The following ST8SIA2 variants were observed in gnomAD, a reference collection of about 807,000 sequenced individuals.
ST8SIA2 encodes ST8 alpha-N-acetyl-neuraminide alpha-2,8-sialyltransferase 2.
ST8SIA2 carries 22 observed loss-of-function variants against 37.6 expected under a neutral mutation model. The ratio of observed to expected loss-of-function variants is 0.58; its 90% confidence interval spans 0.42 to 0.83. The LOEUF (loss-of-function observed/expected upper bound fraction) is 0.83, where lower values mean the gene tolerates loss of function less well. ST8SIA2 is among the 40% of genes least tolerant of loss of function. The probability of loss-of-function intolerance (pLI) is 0.00; values close to 1 mark genes in which losing one functional copy is unlikely to be tolerated. For synonymous variants in ST8SIA2, 205 were observed against 201.2 expected (o/e 1.02, Z -0.16); for missense variants, 382 against 484.7 (o/e 0.79, Z 1.99).
At position 92,467,165 on chromosome 15, in the gene ST8SIA2, G is replaced by C. The variant is rs1567228664; in HGVS notation, c.*2780G>C. 1 of 151,116 alleles carries C rather than the reference G, an allele frequency of 6.6e-6. No individual in the cohort carries two copies. The highest frequency in any genetic ancestry group is 2.0e-4 in the East Asian group (1 of 5,062). The allele number at this position is 151,116 out of a possible 1,614,324, so 9.4% of individuals were successfully genotyped here. On this transcript the variant is annotated 3_prime_UTR_variant, in exon 6 of 6. Transcript: ENST00000268164. ...CAGGCCCCTGTCATTCCACTTCATGGAAGAGACGGAGCCTTCTGAAATGAG... is the reference window on the plus strand; with the variant it reads ...CAGGCCCCTGTCATTCCACTTCATGCAAGAGACGGAGCCTTCTGAAATGAG...
At chr15:92,417,703 G>A (rs936048503) in intron 1 of ST8SIA2, 4 of 152,220 alleles carry the variant, frequency 2.6e-5, no homozygotes, top group African/African-American at 9.6e-5. Flanking sequence ...AAGGAAAAAT[G>A]ACATCTGAGG....
At chr15:92,396,452 T>TTTTG (rs889802775) in intron 1 of ST8SIA2, among the ~76,000 whole-genome samples, 32 of 151,440 alleles carry the variant, frequency 2.1e-4, no homozygotes, top group African/African-American at 7.8e-4. Context: ...AGGGGTTTCT[T>TTTTG]TTTGTTTGTT....
chr15:92,420,208 C>T (rs569210899), intron 1 of ST8SIA2, among the ~76,000 whole-genome samples: 4 of 152,252 alleles, frequency 2.6e-5, no homozygotes, highest in Non-Finnish European at 5.9e-5. Flanking sequence ...AAGATGGGTG[C>T]AGATCAGAGG....
At chr15:92,438,681 C>T in intron 4 of ST8SIA2, 71 bp downstream of exon 4, 1 of 1,491,110 alleles carries the variant, frequency 6.7e-7, no homozygotes, top group Non-Finnish European at 8.9e-7. Flanking sequence ...GCATTGCCAG[C>T]TGTCCCAAGA....
chr15:92,435,697 G>A (rs1244906007), intron 3 of ST8SIA2, among the ~76,000 whole-genome samples: 1 of 152,106 alleles, frequency 6.6e-6, no homozygotes, highest in Non-Finnish European at 1.5e-5. Flanking sequence ...GAAACCATCT[G>A]AAGTAGCTGA....
chr15:92,444,144 C>G (rs147307395), intron 4 of ST8SIA2, among the ~76,000 whole-genome samples: 4 of 152,262 alleles, frequency 2.6e-5, no homozygotes, highest in African/African-American at 9.6e-5. Context: ...GGGAGGGATG[C>G]TGTTGTGATC....
At chr15:92,442,806 G>A (rs1362466916) in intron 4 of ST8SIA2, among the ~76,000 whole-genome samples, 1 of 152,184 alleles carries the variant, frequency 6.6e-6, no homozygotes, top group East Asian at 1.9e-4. Flanking sequence ...GCAGGGATGG[G>A]AAGACGCGAT....
intron 5 of ST8SIA2, among the ~76,000 whole-genome samples, chr15:92,451,155 C>T (rs1191336372): frequency 2.0e-5 from 3 of 152,126 alleles, no homozygotes; most frequent in Non-Finnish European, 4.4e-5. Context: ...ATGAGGCCAC[C>T]CAGCATCTAA....
intron 1 of ST8SIA2, among the ~76,000 whole-genome samples, chr15:92,398,001 C>T (rs756972993): frequency 9.9e-5 from 15 of 152,156 alleles, no homozygotes; most frequent in East Asian, 3.9e-4. Context: ...GGCATGGTGG[C>T]GGGTGCCTGT....
At chr15:92,417,970 G>A (rs1368659975) in intron 1 of ST8SIA2, among the ~76,000 whole-genome samples, 4 of 152,024 alleles carry the variant, frequency 2.6e-5, no homozygotes, top group East Asian at 3.9e-4. Flanking sequence ...GGGCCTCCTC[G>A]ACATATATTT....
Position 92,467,798 on chromosome 15 carries a change from AC to A in ST8SIA2, c.*3416del, listed in dbSNP as rs2050003246. 6.5e-6 allele frequency: 1 copy of A among 152,728 alleles called. No homozygotes were observed. The highest frequency in any genetic ancestry group is 6.6e-5 in the Admixed American group (1 of 15,258). The allele number at this position is 152,728 out of a possible 1,614,324, so 9.5% of individuals were successfully genotyped here. A position where few individuals can be genotyped will look rare whatever the true frequency, so the allele number is the denominator to read the frequency against. Reference sequence around the variant, plus strand: ...TCAGCAACCTCACACCTGCCTTCAGACCCGGCTGCAACTTCCTAAGCTGCCC... The same window carrying A: ...TCAGCAACCTCACACCTGCCTTCAGACCGGCTGCAACTTCCTAAGCTGCCC... On this transcript the variant is annotated 3_prime_UTR_variant, in exon 6 of 6. Transcript: ENST00000268164.
chr15:92,440,554 T>A (rs1206482312), intron 4 of ST8SIA2, among the ~76,000 whole-genome samples: 1 of 152,204 alleles, frequency 6.6e-6, no homozygotes, highest in East Asian at 1.9e-4. Context: ...AAAGTGCAGT[T>A]GTTCTTTGTC....
At chr15:92,401,640 G>A (rs756663296) in intron 1 of ST8SIA2, among the ~76,000 whole-genome samples, 7 of 152,092 alleles carry the variant, frequency 4.6e-5, no homozygotes, top group African/African-American at 9.7e-5. Flanking sequence ...ATCCAGCCTC[G>A]CTGTGTGGGT....
At chr15:92,455,366 AT>A (rs957636434) in intron 5 of ST8SIA2, among the ~76,000 whole-genome samples, 19 of 150,144 alleles carry the variant, frequency 1.3e-4, no homozygotes, top group African/African-American at 3.4e-4. Flanking sequence ...TCTCTCTCCA[AT>A]TTTTTTTTTA....
intron 1 of ST8SIA2, among the ~76,000 whole-genome samples, chr15:92,409,898 T>C (rs1184574498): frequency 1.3e-5 from 2 of 152,204 alleles, no homozygotes; most frequent in African/African-American, 2.4e-5. Flanking sequence ...CTGTGCTGAG[T>C]GCTGGCGACT....
intron 1 of ST8SIA2, among the ~76,000 whole-genome samples, chr15:92,424,221 T>G (rs1434086898): frequency 1.3e-5 from 2 of 152,356 alleles, no homozygotes; most frequent in East Asian, 3.9e-4. Context: ...ATTCTGAGCC[T>G]GACTCTCCCA....
chr15:92,456,789 G>C (rs112578242), intron 5 of ST8SIA2, among the ~76,000 whole-genome samples: 76 of 152,364 alleles, frequency 5.0e-4, no homozygotes, highest in African/African-American at 1.8e-3. Context: ...CAGGTTTTAT[G>C]CTGTGGACTC....
Position 92,430,101 on chromosome 15 carries a change from A to G in ST8SIA2, c.151A>G (p.Lys51Glu). The change falls in exon 2 of 6, where the codon AAA (lysine) becomes GAA (glutamate). Residue 51 changes from lysine to glutamate, a missense_variant. Physicochemically the swap from Lys to Glu is moderately conservative, Grantham distance 56 (BLOSUM62 1). Transcript: ENST00000268164. ...ATCAGCTGTGAACAGCTTACATAGC[A>G]AATCTAATAGGTTTGTAAATTAGAT... ...IRSAVNSLHS[K>E]SNRAEVVING... 1 of 1,614,110 alleles carries G rather than the reference A, an allele frequency of 6.2e-7. No homozygotes were observed. Among genetic ancestry groups the G allele is most frequent in the Non-Finnish European group, 8.5e-7 (1 of 1,179,998 alleles).
At chr15:92,419,641 T>C (rs2049616948) in intron 1 of ST8SIA2, among the ~76,000 whole-genome samples, 1 of 152,108 alleles carries the variant, frequency 6.6e-6, no homozygotes, top group Non-Finnish European at 1.5e-5. Flanking sequence ...AGGCTCGTTG[T>C]ATAGTAGGGA....
Sources: allele counts gnomAD v4.1 joint callset (sites outside exome capture counted in the v4.1 genomes callset), GRCh38; gene constraint gnomAD v4.1.1; transcripts MANE v1.5; gene names NCBI Gene and HGNC (gene_info 2026-07-23, HGNC 2026-07-21).